Variants in UBE2H observed in about 807,000 individuals in gnomAD.
UBE2H encodes ubiquitin-conjugating enzyme E2 H.
UBE2H carries 3 observed loss-of-function variants against 29.0 expected under a neutral mutation model. The observed-to-expected ratio is 0.10, with a 90% CI of 0.05 to 0.27. The LOEUF is 0.27. Among genes scored for constraint, UBE2H ranks in the 10% least tolerant of loss-of-function variants. UBE2H has a pLI of 1.00. For missense variants in UBE2H, 68 were observed against 228.2 expected (o/e 0.30, Z 4.52); for synonymous variants, 69 against 82.9 (o/e 0.83, Z 0.91).
intron 5 of UBE2H, among the ~76,000 whole-genome samples, chr7:129,849,615 AAC>A (rs1805573194): frequency 1.3e-5 from 2 of 152,122 alleles, no homozygotes; most frequent in Non-Finnish European, 2.9e-5. Context: ...AATTAATTTG[AAC>A]TCAACTTCAG....
chr7:129,850,621 G>C (rs563285656), intron 5 of UBE2H, among the ~76,000 whole-genome samples: 1 of 152,130 alleles, frequency 6.6e-6, no homozygotes, highest in African/African-American at 2.4e-5. Context: ...TTCAAGACCA[G>C]CATGGCCAAG....
intron 5 of UBE2H, among the ~76,000 whole-genome samples, chr7:129,848,702 G>A (rs547258437): frequency 2.6e-5 from 4 of 152,266 alleles, no homozygotes; most frequent in Admixed American, 6.5e-5. Flanking sequence ...TATTGAATTC[G>A]TCATGAACTG....
intron 3 of UBE2H, among the ~76,000 whole-genome samples, chr7:129,861,020 A>T (rs1390753699): frequency 6.6e-6 from 1 of 152,092 alleles, no homozygotes; most frequent in Non-Finnish European, 1.5e-5. Flanking sequence ...TCAGGAGTTC[A>T]AGACCAGCCT....
intron 1 of UBE2H, among the ~76,000 whole-genome samples, chr7:129,890,667 C>G (rs986910514): frequency 2.4e-4 from 37 of 152,296 alleles, no homozygotes; most frequent in Admixed American, 1.7e-3. Context: ...CCACTGCGCC[C>G]AGCCAACGGT....
intron 1 of UBE2H, among the ~76,000 whole-genome samples, chr7:129,891,826 A>C (rs369295926): frequency 0.047 from 7,059 of 148,856 alleles, 195 homozygotes; most frequent in South Asian, 0.13. Context: ...AAAAAAAAAA[A>C]ACACACACAC....
chr7:129,945,154 G>A (rs1056543514), intron 1 of UBE2H, among the ~76,000 whole-genome samples: 1 of 152,166 alleles, frequency 6.6e-6, no homozygotes, highest in Non-Finnish European at 1.5e-5. Flanking sequence ...AAACTTTGGG[G>A]GAAGATAAAT....
chr7:129,942,929 G>A (rs1001683312), intron 1 of UBE2H, among the ~76,000 whole-genome samples: 6 of 151,686 alleles, frequency 4.0e-5, no homozygotes, highest in Admixed American at 6.6e-5. Flanking sequence ...CACAACCTCC[G>A]ACTCCCAGGT....
At chr7:129,878,538 C>T (rs1367373740) in intron 3 of UBE2H, among the ~76,000 whole-genome samples, 1 of 151,992 alleles carries the variant, frequency 6.6e-6, no homozygotes, top group Non-Finnish European at 1.5e-5. Flanking sequence ...AAAAAATTAG[C>T]CGGGTGTGGT....
intron 1 of UBE2H, among the ~76,000 whole-genome samples, chr7:129,885,055 C>T (rs1806331804): frequency 6.9e-6 from 1 of 145,804 alleles, no homozygotes; most frequent in Non-Finnish European, 1.5e-5. Context: ...AGAGAGAGAA[C>T]TTCTCTTAAA....
intron 1 of UBE2H, among the ~76,000 whole-genome samples, chr7:129,914,561 T>A (rs1279595191): frequency 1.3e-5 from 2 of 152,190 alleles, no homozygotes; most frequent in East Asian, 3.9e-4. Context: ...TACAGTAATG[T>A]ACTCTAAGAG....
At chr7:129,934,177 C>A (rs1235661258) in intron 1 of UBE2H, among the ~76,000 whole-genome samples, 1 of 151,984 alleles carries the variant, frequency 6.6e-6, no homozygotes, top group Admixed American at 6.6e-5. Context: ...CAAAAATTAT[C>A]CGGGCATTAT....
chr7:129,866,326 A>G (rs1438859340), intron 3 of UBE2H, among the ~76,000 whole-genome samples: 1 of 152,254 alleles, frequency 6.6e-6, no homozygotes, highest in Non-Finnish European at 1.5e-5. Context: ...TTTATAACTA[A>G]GAAAAGGTGA....
intron 5 of UBE2H, among the ~76,000 whole-genome samples, chr7:129,854,509 C>CA (rs1385089483): frequency 2.0e-5 from 3 of 152,200 alleles, no homozygotes; most frequent in Admixed American, 2.0e-4. Context: ...GTAACTCATA[C>CA]ACATGTAACA....
At chr7:129,923,633 AG>A (rs1427044165) in intron 1 of UBE2H, among the ~76,000 whole-genome samples, 1 of 152,202 alleles carries the variant, frequency 6.6e-6, no homozygotes, top group African/African-American at 2.4e-5. Flanking sequence ...CAGGTAGGAG[AG>A]GTTCTAAAAC....
At position 129,879,569 on chromosome 7, in the gene UBE2H, T is replaced by C. The variant is rs1806213562; in HGVS notation, c.204A>G (p.Ile68Met). The change falls in exon 3 of 7, where the codon ATA (isoleucine) becomes ATG (methionine). Residue 68 changes from isoleucine to methionine, a missense_variant and splice_region_variant. Transcript: ENST00000355621. ...PDKYPFKSPS[I>M]GFMNKIFHPN... The stretch of plus-strand genomic sequence containing the variant: ...GAGAAAAACCAAGTAGTAACATACC[T>C]ATAGATGGAGATTTGAAAGGGTATT... 1 of 1,611,636 alleles carries C rather than the reference T, an allele frequency of 6.2e-7. No individual in the cohort carries two copies. The highest frequency in any genetic ancestry group is 1.7e-5 in the Admixed American group (1 of 59,516).
In UBE2H at chr7:129,846,001, A is replaced by T. The variant is rs533776967; in HGVS notation, c.299-6666T>A. 7.2e-5 allele frequency among the ~76,000 whole-genome samples: 11 copies of T among 152,324 alleles called. No homozygotes were observed. In the South Asian group the frequency reaches 2.3e-3, roughly 32 times the overall value. ...TTCAGCTACCTGTATCCCTTAAAGA[A>T]TATGTATTAATTAAAAAGAGTTACA... is the stretch of plus-strand genomic sequence containing the variant. On this transcript the variant is annotated intron_variant, in intron 5 of 6. Coordinates refer to ENST00000355621, the MANE Select transcript of UBE2H (RefSeq NM_003344.4).
chr7:129,859,931 C>A (rs1200905499), intron 3 of UBE2H, among the ~76,000 whole-genome samples: 1 of 152,198 alleles, frequency 6.6e-6, no homozygotes, highest in Non-Finnish European at 1.5e-5. Flanking sequence ...AGCACCTACA[C>A]CGCAGGCATT....
chr7:129,838,789 C>T (rs537670892), intron 6 of UBE2H, among the ~76,000 whole-genome samples: 1 of 152,240 alleles, frequency 6.6e-6, no homozygotes, highest in African/African-American at 2.4e-5. Flanking sequence ...CAGGCGCGTG[C>T]CACCACACCA....
chr7:129,898,522 A>G (rs1035101829), intron 1 of UBE2H, among the ~76,000 whole-genome samples: 4 of 152,222 alleles, frequency 2.6e-5, no homozygotes, highest in African/African-American at 9.6e-5. Flanking sequence ...ACTGAATAAT[A>G]TGAAAAAAAT....
Sources: gnomAD v4.1 joint callset for allele counts (sites outside exome capture counted in the v4.1 genomes callset) on GRCh38, gnomAD v4.1.1 for gene constraint, MANE v1.5 for transcripts, NCBI Gene and HGNC (gene_info 2026-07-23, HGNC 2026-07-21) for gene names.